The following FBXO34 variants were observed in gnomAD, a reference collection of about 807,000 sequenced individuals.
FBXO34 encodes F-box only protein 34.
A neutral mutation model predicts 24.5 loss-of-function variants in FBXO34; 12 were observed. The ratio of observed to expected loss-of-function variants is 0.49; its 90% CI spans 0.31 to 0.79. The LOEUF (loss-of-function observed/expected upper bound fraction) is 0.79, where lower values mean the gene tolerates loss of function less well. Ranked by LOEUF, FBXO34 falls within the 30% of genes least tolerant of loss-of-function variation. The pLI is 0.04. For synonymous variants in FBXO34, 320 were observed against 311.9 expected, an observed-to-expected ratio of 1.03 and a Z score of -0.27; for missense variants, 823 against 857.7, an observed-to-expected ratio of 0.96 and a Z score of 0.51.
intron 1 of FBXO34, among the ~76,000 whole-genome samples, chr14:55,296,314 C>T (rs2139691471): frequency 6.7e-6 from 1 of 148,938 alleles, no homozygotes; most frequent in South Asian, 2.1e-4. Flanking sequence ...AACTGTATAG[C>T]TGGACAGGAA....
chr14:55,363,337 T>C (rs191324513), downstream of FBXO34, among the ~76,000 whole-genome samples: 1 of 147,448 alleles, frequency 6.8e-6, no homozygotes, highest in Admixed American at 6.8e-5. Flanking sequence ...ACTTGGCCTT[T>C]TCTTTTTTTC....
In FBXO34 at chr14:55,271,443, G is replaced by A. The variant is rs1338720890; in HGVS notation, c.-105G>A. 6.6e-6 allele frequency: 1 copy of A among 152,124 alleles called. No individual in the cohort carries two copies. Among genetic ancestry groups the A allele is most frequent in the Non-Finnish European group, 1.5e-5 (1 of 68,076 alleles). The allele number at this position is 152,124 out of a possible 1,614,324, so 9.4% of individuals were successfully genotyped here. A position where few individuals can be genotyped will look rare whatever the true frequency, so the allele number is the denominator to read the frequency against. On this transcript the variant is annotated 5_prime_UTR_variant, in exon 1 of 2. Transcript: ENST00000313833. Reference sequence around the variant, plus strand: ...GGTGCTCGGTCCGACTCAGCGGTGGGGAGTGAGCCAGGCCTCCCGCCACCG... The same window carrying A: ...GGTGCTCGGTCCGACTCAGCGGTGGAGAGTGAGCCAGGCCTCCCGCCACCG...
intron 1 of FBXO34, among the ~76,000 whole-genome samples, chr14:55,295,726 C>G (rs1036206431): frequency 1.3e-5 from 2 of 152,116 alleles, no homozygotes; most frequent in Non-Finnish European, 2.9e-5. Context: ...TTTTTTCTTG[C>G]AGAAAATTGA....
chr14:55,281,991 CT>C (rs372305828), intron 1 of FBXO34, among the ~76,000 whole-genome samples: 102 of 65,132 alleles, frequency 1.6e-3, no homozygotes, highest in East Asian at 0.012. Context: ...TTAAATTTAG[CT>C]TTTTTTTTTT....
chr14:55,381,047 C>T, the FBXO34 span, among the ~76,000 whole-genome samples: 496 of 152,012 alleles, frequency 3.3e-3, no homozygotes, highest in African/African-American at 0.012. Flanking sequence ...GACAACCCTA[C>T]GGAAGAGTCA....
the FBXO34 span, among the ~76,000 whole-genome samples, chr14:55,408,831 G>T: frequency 1.3e-5 from 2 of 152,146 alleles, no homozygotes; most frequent in Non-Finnish European, 2.9e-5. Flanking sequence ...CAATTCAAGG[G>T]AGCATGAGTC....
At chr14:55,439,646 A>C in the FBXO34 span, among the ~76,000 whole-genome samples, 6 of 136,172 alleles carry the variant, frequency 4.4e-5, no homozygotes, top group Middle Eastern at 4.0e-3. Flanking sequence ...AAATACAAAA[A>C]TTAGCCGGGC....
intron 1 of FBXO34, among the ~76,000 whole-genome samples, chr14:55,301,330 G>A (rs768309412): frequency 2.0e-5 from 3 of 151,922 alleles, no homozygotes; most frequent in Non-Finnish European, 2.9e-5. Flanking sequence ...CTAGCTACTC[G>A]GGAGGCTGAG....
At chr14:55,282,544 G>A (rs79886835) in intron 1 of FBXO34, 3,164 of 220,222 alleles carry the variant, frequency 0.014, 93 homozygotes, top group African/African-American at 0.062. Flanking sequence ...AACCTTCTTG[G>A]TTGGTAAACA....
At chr14:55,324,532 TTAGAC>T (rs1341437812) in intron 1 of FBXO34, among the ~76,000 whole-genome samples, 2 of 152,114 alleles carry the variant, frequency 1.3e-5, no homozygotes, top group African/African-American at 2.4e-5. Context: ...GAGGTTACTG[TTAGAC>T]TAGACTAAAT....
chr14:55,391,471 T>TAAAAA, the FBXO34 span, among the ~76,000 whole-genome samples: 4 of 75,786 alleles, frequency 5.3e-5, no homozygotes, highest in Non-Finnish European at 5.9e-5. Context: ...TGAGACTCCA[T>TAAAAA]AAAAAAAAAA....
intron 1 of FBXO34, among the ~76,000 whole-genome samples, chr14:55,349,767 C>T (rs772435178): frequency 3.3e-5 from 5 of 151,804 alleles, no homozygotes; most frequent in Admixed American, 6.6e-5. Context: ...CCACTACGCC[C>T]GGCTGATTTT....
At chr14:55,395,621 T>A in the FBXO34 span, among the ~76,000 whole-genome samples, 1 of 152,366 alleles carries the variant, frequency 6.6e-6, no homozygotes, top group Non-Finnish European at 1.5e-5. Context: ...ATATTTTCTT[T>A]GACACATTTA....
chr14:55,335,093 T>C (rs1883730524), intron 1 of FBXO34, among the ~76,000 whole-genome samples: 2 of 152,110 alleles, frequency 1.3e-5, no homozygotes, highest in Admixed American at 1.3e-4. Context: ...GGCAGGTGTT[T>C]TCAAGTCAAA....
chr14:55,372,165 C>CT (rs1884833743), downstream of FBXO34, among the ~76,000 whole-genome samples: 1 of 152,154 alleles, frequency 6.6e-6, no homozygotes, highest in Non-Finnish European at 1.5e-5. Context: ...CTTTAGCTGG[C>CT]TGGGACTCCT....
intron 1 of FBXO34, among the ~76,000 whole-genome samples, chr14:55,320,134 T>C (rs535744134): frequency 6.6e-6 from 1 of 152,320 alleles, no homozygotes; most frequent in East Asian, 1.9e-4. Context: ...CCATAATCTT[T>C]TCTCAAAGCA....
the FBXO34 span, among the ~76,000 whole-genome samples, chr14:55,419,996 G>T: frequency 6.6e-6 from 1 of 152,194 alleles, no homozygotes; most frequent in Non-Finnish European, 1.5e-5. Flanking sequence ...TCAGTTTAGG[G>T]AGGAGCCTGA....
chr14:55,298,631 GGC>G, intron 1 of FBXO34: 4 of 1,345,796 alleles, frequency 3.0e-6, no homozygotes, highest in Non-Finnish European at 4.1e-6. Flanking sequence ...GTTGAAGGCT[GGC>G]GCGGCGAGCG....
At chr14:55,392,877 C>T in the FBXO34 span, among the ~76,000 whole-genome samples, 2 of 152,056 alleles carry the variant, frequency 1.3e-5, no homozygotes, top group Non-Finnish European at 2.9e-5. Flanking sequence ...AAAACAGATC[C>T]ACAGGGACTG....
Sources: gnomAD v4.1 joint callset for allele counts (sites outside exome capture counted in the v4.1 genomes callset) on GRCh38, gnomAD v4.1.1 for gene constraint, MANE v1.5 for transcripts, NCBI Gene and HGNC (gene_info 2026-07-23, HGNC 2026-07-21) for gene names.